The following LMO1 variants were observed in gnomAD, a reference collection of about 807,000 sequenced individuals.
The protein encoded by LMO1 is LIM domain only 1.
Under a neutral mutation model 18.0 loss-of-function variants are expected in LMO1, and 10 were observed. The ratio of observed to expected loss-of-function variants is 0.55; its 90% CI spans 0.34 to 0.94. The LOEUF (loss-of-function observed/expected upper bound fraction) is 0.94, where lower values mean the gene tolerates loss of function less well. LMO1 is among the 40% of genes least tolerant of loss of function. The pLI is 0.02. For synonymous variants in LMO1, 77 were observed against 77.9 expected (o/e 0.99, Z 0.06); for missense variants, 183 against 205.7 (o/e 0.89, Z 0.68).
At chr11:8,249,841 T>C (rs1359103620) in intron 1 of LMO1, among the ~76,000 whole-genome samples, 9 of 152,208 alleles carry the variant, frequency 5.9e-5, no homozygotes, top group Admixed American at 5.9e-4. Context: ...TGTAAACTCA[T>C]TCATTCATTA....
rs574243675 is a variant in LMO1, at chr11:8,249,926, T to A, written c.25+13412A>T. Among the ~76,000 whole-genome samples, 11 of 152,342 alleles carry A rather than the reference T, an allele frequency of 7.2e-5. No individual in the cohort carries two copies. In the South Asian group the frequency reaches 2.1e-3, roughly 29 times the overall value. ...AACATCTACATTTTGATAAAAATTA[T>A]ACCAAAACTGAGGATTTTTCATCAA... is the stretch of plus-strand genomic sequence containing the variant. On this transcript the variant is annotated intron_variant, in intron 1 of 3. Coordinates refer to ENST00000335790, the MANE Select transcript of LMO1 (RefSeq NM_002315.3).
upstream of LMO1, among the ~76,000 whole-genome samples, chr11:8,264,636 GT>G (rs760684845): frequency 6.6e-6 from 1 of 151,646 alleles, no homozygotes; most frequent in South Asian, 2.1e-4. Context: ...CTTTCTTTCT[GT>G]TTTTTCTTTT....
intron 3 of LMO1, among the ~76,000 whole-genome samples, chr11:8,226,683 T>C (rs1431019616): frequency 6.6e-6 from 1 of 152,232 alleles, no homozygotes; most frequent in Non-Finnish European, 1.5e-5. Flanking sequence ...TGCATGCACA[T>C]GCACACTCAA....
intron 1 of LMO1, among the ~76,000 whole-genome samples, chr11:8,237,328 T>C (rs1434144102): frequency 1.3e-5 from 2 of 152,106 alleles, no homozygotes. Context: ...AATTTGAAAG[T>C]GTAATCTAAC....
intron 1 of LMO1, among the ~76,000 whole-genome samples, chr11:8,235,796 G>A (rs1379341873): frequency 6.6e-6 from 1 of 152,170 alleles, no homozygotes; most frequent in Non-Finnish European, 1.5e-5. Flanking sequence ...TATGAAAACA[G>A]TACTCATTTC....
chr11:8,267,516 T>A (rs980102798), upstream of LMO1, among the ~76,000 whole-genome samples: 1 of 152,096 alleles, frequency 6.6e-6, no homozygotes, highest in African/African-American at 2.4e-5. Flanking sequence ...CGGCGGATGG[T>A]CTCTGGGTCA....
intron 1 of LMO1, among the ~76,000 whole-genome samples, chr11:8,234,026 G>A (rs1021080393): frequency 2.0e-5 from 3 of 152,158 alleles, no homozygotes; most frequent in East Asian, 1.9e-4. Flanking sequence ...CGACACGCAC[G>A]CCTGGGCACA....
chr11:8,246,576 G>C (rs1026906104), intron 1 of LMO1, among the ~76,000 whole-genome samples: 2 of 152,126 alleles, frequency 1.3e-5, no homozygotes, highest in South Asian at 2.1e-4. Context: ...TTCTTTTTGA[G>C]GTGATAAAAA....
intron 1 of LMO1, among the ~76,000 whole-genome samples, chr11:8,238,670 CAAAAA>C (rs11375128): frequency 1.3e-4 from 8 of 60,882 alleles, no homozygotes; most frequent in Non-Finnish European, 2.0e-4. Flanking sequence ...GACTCCATCT[CAAAAA>C]AAAAAAAAAA....
intron 1 of LMO1, among the ~76,000 whole-genome samples, chr11:8,240,190 G>T (rs955051933): frequency 6.6e-6 from 1 of 152,232 alleles, no homozygotes; most frequent in Non-Finnish European, 1.5e-5. Context: ...AAGACCCCTT[G>T]TCAGGGAAAG....
At chr11:8,246,238 A>G (rs146184263) in intron 1 of LMO1, among the ~76,000 whole-genome samples, 2,284 of 152,322 alleles carry the variant, frequency 0.015, 28 homozygotes, top group Middle Eastern at 0.02. Context: ...AAATTTGTAC[A>G]TGAACGTTCC....
chr11:8,266,924 G>C (rs1847267269), upstream of LMO1, among the ~76,000 whole-genome samples: 1 of 152,250 alleles, frequency 6.6e-6, no homozygotes, highest in South Asian at 2.1e-4. Context: ...CACCACAGTT[G>C]ACAGGACAGA....
chr11:8,226,867 C>T, intron 3 of LMO1, 108 bp downstream of exon 3: 1 of 1,454,304 alleles, frequency 6.9e-7, no homozygotes, highest in Non-Finnish European at 9.1e-7. Flanking sequence ...CACATACACA[C>T]ACGCAACCCG....
In LMO1 at chr11:8,238,221, T is replaced by C. The variant is rs544425281; in HGVS notation, c.26-7717A>G. On this transcript the variant is annotated intron_variant, in intron 1 of 3. Coordinates refer to ENST00000335790, the MANE Select transcript of LMO1 (RefSeq NM_002315.3). ...TATATTCGTACAATGGAATAGTATGTAGCAATTAAAAAGAATGAATTACTA... is the reference window on the plus strand; with the variant it reads ...TATATTCGTACAATGGAATAGTATGCAGCAATTAAAAAGAATGAATTACTA... 9.2e-5 allele frequency among the ~76,000 whole-genome samples: 14 copies of C among 152,334 alleles called. No homozygotes were observed. In the East Asian group the frequency reaches 2.7e-3, roughly 29 times the overall value.
intron 1 of LMO1, among the ~76,000 whole-genome samples, chr11:8,245,034 GC>G (rs761330771): frequency 2.0e-5 from 3 of 152,320 alleles, no homozygotes; most frequent in Non-Finnish European, 4.4e-5. Flanking sequence ...CTGGTATCAT[GC>G]CCGGCACTTC....
At chr11:8,227,143 A>T in intron 2 of LMO1, 43 bp from the exon 3 acceptor site, 1 of 1,587,528 alleles carries the variant, frequency 6.3e-7, no homozygotes, top group Non-Finnish European at 8.6e-7. Context: ...CATTCTGGGA[A>T]GCTGGGTGGG....
chr11:8,251,133 A>T (rs1311845084), intron 1 of LMO1, among the ~76,000 whole-genome samples: 1 of 152,144 alleles, frequency 6.6e-6, no homozygotes, highest in Non-Finnish European at 1.5e-5. Flanking sequence ...TGCCACACCC[A>T]TTCCCCAACA....
At chr11:8,226,324 G>A (rs190789454) in intron 3 of LMO1, among the ~76,000 whole-genome samples, 23 of 148,116 alleles carry the variant, frequency 1.6e-4, no homozygotes, top group East Asian at 9.9e-4. Flanking sequence ...GTGAAACCCC[G>A]TCTCTACTAA....
intron 1 of LMO1, among the ~76,000 whole-genome samples, chr11:8,259,430 A>T (rs1251748775): frequency 1.3e-5 from 2 of 152,168 alleles, no homozygotes; most frequent in Non-Finnish European, 2.9e-5. Context: ...CCTCATTCCC[A>T]GCAGAAAGGA....
Sources: allele counts gnomAD v4.1 joint callset (sites outside exome capture counted in the v4.1 genomes callset), GRCh38; gene constraint gnomAD v4.1.1; transcripts MANE v1.5; gene names NCBI Gene and HGNC (gene_info 2026-07-23, HGNC 2026-07-21).